ZNF106: variants seen among roughly 807,000 people sequenced by gnomAD.
ZNF106 encodes zinc finger protein 106, also known as SH3-domain binding protein 3.
A neutral mutation model predicts 195.1 loss-of-function variants in ZNF106; 67 were observed. That is an observed-to-expected ratio of 0.34 (90% CI 0.28 to 0.42). The LOEUF is 0.42. Among genes scored for constraint, ZNF106 ranks in the 10% least tolerant of loss-of-function variants. ZNF106 has a pLI of 1.00. For missense variants in ZNF106, 2,118 were observed against 2,304.5 expected, an observed-to-expected ratio of 0.92 and a Z score of 1.66; for synonymous variants, 784 against 818.6, an observed-to-expected ratio of 0.96 and a Z score of 0.72.
At chr15:42,447,255 T>C (rs1207671666) in intron 6 of ZNF106, among the ~76,000 whole-genome samples, 1 of 152,146 alleles carries the variant, frequency 6.6e-6, no homozygotes, top group East Asian at 1.9e-4. Context: ...TGACACATGC[T>C]TGTAGTCCCC....
At chr15:42,474,921 A>T (rs991244208) in intron 1 of ZNF106, among the ~76,000 whole-genome samples, 1 of 152,220 alleles carries the variant, frequency 6.6e-6, no homozygotes, top group African/African-American at 2.4e-5. Flanking sequence ...TCTTCTACAG[A>T]AAACATCAGG....
At chr15:42,485,188 T>C (rs2056985556) in intron 1 of ZNF106, among the ~76,000 whole-genome samples, 2 of 152,212 alleles carry the variant, frequency 1.3e-5, no homozygotes. Context: ...TGTATGTTTA[T>C]GTTAAACAAA....
At chr15:42,427,962 G>T in intron 15 of ZNF106, 56 bp downstream of exon 15, 1 of 1,441,008 alleles carries the variant, frequency 6.9e-7, no homozygotes, top group Non-Finnish European at 9.8e-7. Context: ...TCCCACACAT[G>T]CTCACACTGT....
In ZNF106 at chr15:42,417,244, T is replaced by C; in HGVS notation, c.*60A>G. 13 of 1,578,594 alleles carry C rather than the reference T, an allele frequency of 8.2e-6. No homozygotes were observed. The South Asian group carries it at 1.4e-4, about 18-fold the overall frequency. Reference sequence around the variant, plus strand: ...AAGAAAGGGAAGAGAGTGGCCTGTGTGGGGGGCCAATGTGAAAATAGTTCA... The same window carrying C: ...AAGAAAGGGAAGAGAGTGGCCTGTGCGGGGGGCCAATGTGAAAATAGTTCA... On this transcript the variant is annotated 3_prime_UTR_variant, in exon 22 of 22. Coordinates refer to ENST00000564754, the MANE Select transcript of ZNF106 (RefSeq NM_001366845.3).
At chr15:42,462,554 C>G (rs757243670) in intron 3 of ZNF106, among the ~76,000 whole-genome samples, 2 of 152,116 alleles carry the variant, frequency 1.3e-5, no homozygotes, top group African/African-American at 2.4e-5. Flanking sequence ...GCCGAGATCA[C>G]ACCATTGCAC....
At chr15:42,486,237 C>T (rs755629018) in intron 1 of ZNF106, among the ~76,000 whole-genome samples, 2 of 151,392 alleles carry the variant, frequency 1.3e-5, no homozygotes, top group Non-Finnish European at 1.5e-5. Flanking sequence ...GGACTACAGG[C>T]GTGAGCCACC....
intron 2 of ZNF106, among the ~76,000 whole-genome samples, chr15:42,468,510 T>TG (rs199789969): frequency 0.018 from 2,658 of 148,450 alleles, 30 homozygotes; most frequent in Middle Eastern, 0.037. Context: ...TTTGGGAGGC[T>TG]GAGGTGGGCG....
Position 42,424,875 on chromosome 15 carries a change from T to C in ZNF106, c.5149A>G (p.Arg1717Gly). Residue 1717 changes from arginine to glycine, a missense_variant, in exon 16 of 22, where the codon AGA becomes GGA. Physicochemically the swap from Arg to Gly is moderately radical, Grantham distance 125. Transcript: ENST00000564754. The stretch of plus-strand genomic sequence containing the variant: ...GTTTTGCTATGGCCCTCCAGAGTTC[T>C]GAGGAGCAGTCCATTCCGGGCATCG... The part of the protein sequence containing the change: ...VRDARNGLLL[R>G]TLEGHSKTIL... 2 of 1,614,172 alleles carry C rather than the reference T, an allele frequency of 1.2e-6. No individual in the cohort carries two copies. Among genetic ancestry groups the C allele is most frequent in the Non-Finnish European group, 1.7e-6 (2 of 1,180,032 alleles).
chr15:42,450,386 G>A lies in ZNF106; in HGVS notation c.1886C>T (p.Thr629Ile), dbSNP rs1263830744. 1.9e-6 allele frequency: 3 copies of A among 1,614,020 alleles called. No individual in the cohort carries two copies. The highest frequency in any genetic ancestry group is 1.3e-5 in the African/African-American group (1 of 74,910). The change falls in exon 5 of 22, where the codon ACC becomes ATC. Residue 629 changes from threonine to isoleucine, a missense_variant. Transcript: ENST00000564754. ...CAATTCTGTAGTTGCAGAACCTAGG[G>A]TTCCAATTTTTGTTCCATGCTTTTC... ...DTEKHGTKIG[T>I]LGSATTELLS...
Position 42,451,285 on chromosome 15 carries a change from A to C in ZNF106, c.987T>G (p.Phe329Leu). ...GPSEGFTSDK[F>L]PSEGLLDFNF... The stretch of plus-strand genomic sequence containing the variant: ...TGAAGTCGAGTAAGCCTTCTGAAGG[A>C]AATTTATCACTTGTAAATCCTTCAG... The change falls in exon 5 of 22, where the codon TTT becomes TTG. Residue 329 changes from phenylalanine (F) to leucine (L), a missense_variant. Physicochemically the swap from Phe to Leu is conservative, Grantham distance 22. Transcript: ENST00000564754. 6.2e-7 allele frequency: 1 copy of C among 1,614,170 alleles called. No homozygotes were observed. Among genetic ancestry groups the C allele is most frequent in the Non-Finnish European group, 8.5e-7 (1 of 1,180,034 alleles).
rs1217838913 is a variant in ZNF106, at chr15:42,439,446, T to C, written c.4131A>G (p.Lys1377=). 4.3e-6 allele frequency: 7 copies of C among 1,613,090 alleles called. 1 individual carries two copies. The Middle Eastern group carries it at 1.2e-3, about 266-fold the overall frequency. The change falls in exon 11 of 22, where the codon AAA becomes AAG. Residue 1377 remains lysine, a synonymous_variant. Coordinates refer to ENST00000564754, the MANE Select transcript of ZNF106 (RefSeq NM_001366845.3). ...AETRGSKKKK[K]LRKKKSLRAA... is the part of the protein sequence containing the mutation. ...CCCGTAGACTTTTCTTCTTCCGGAG[T>C]TTCTTCTTTTTCTTGCTTCCCCTAG...
At chr15:42,433,775 C>T (rs981031743) in intron 14 of ZNF106, among the ~76,000 whole-genome samples, 9 of 152,104 alleles carry the variant, frequency 5.9e-5, no homozygotes, top group Admixed American at 1.3e-4. Context: ...TCTCAAAGTG[C>T]GGTCCCCAAA....
chr15:42,455,762 G>A (rs2141374200), intron 4 of ZNF106, among the ~76,000 whole-genome samples: 1 of 151,838 alleles, frequency 6.6e-6, no homozygotes, highest in East Asian at 1.9e-4. Context: ...GTACAGACGG[G>A]GTATAACTAG....
intron 3 of ZNF106, among the ~76,000 whole-genome samples, chr15:42,459,589 C>T (rs376366598): frequency 1.3e-4 from 20 of 152,194 alleles, no homozygotes; most frequent in African/African-American, 3.9e-4. Flanking sequence ...TCCAACTGAA[C>T]GTTAATAACA....
At chr15:42,490,730 G>A (rs537005669) in intron 1 of ZNF106, among the ~76,000 whole-genome samples, 2 of 152,290 alleles carry the variant, frequency 1.3e-5, no homozygotes, top group South Asian at 4.1e-4. Context: ...TTGGAGCCAC[G>A]TTTCCTTCTG....
chr15:42,485,643 G>A (rs1374679820), intron 1 of ZNF106, among the ~76,000 whole-genome samples: 1 of 152,122 alleles, frequency 6.6e-6, no homozygotes, highest in East Asian at 1.9e-4. Flanking sequence ...TTTCTACCTT[G>A]TAACCTTAGC....
At chr15:42,487,332 T>C (rs111717359) in intron 1 of ZNF106, among the ~76,000 whole-genome samples, 57 of 150,170 alleles carry the variant, frequency 3.8e-4, no homozygotes, top group Non-Finnish European at 5.5e-4. Flanking sequence ...CACAAAAAAT[T>C]TATTAATTAG....
intron 14 of ZNF106, among the ~76,000 whole-genome samples, chr15:42,433,623 C>T (rs924078763): frequency 2.0e-5 from 3 of 151,478 alleles, no homozygotes; most frequent in African/African-American, 7.3e-5. Context: ...GCTGGGATTA[C>T]AGGTGTGCGT....
At chr15:42,444,729 T>A in intron 8 of ZNF106, 98 bp downstream of exon 8, 1 of 1,488,854 alleles carries the variant, frequency 6.7e-7, no homozygotes, top group Non-Finnish European at 9.1e-7. Flanking sequence ...GAAACTCCCC[T>A]GCCATTGCTT....
Sources: allele counts gnomAD v4.1 joint callset (sites outside exome capture counted in the v4.1 genomes callset), GRCh38; gene constraint gnomAD v4.1.1; transcripts MANE v1.5; gene names NCBI Gene and HGNC (gene_info 2026-07-23, HGNC 2026-07-21).